Variants in LITAF observed in about 807,000 individuals in gnomAD.
LITAF encodes lipopolysaccharide induced TNF factor, also known as lipopolysaccharide-induced tumor necrosis factor-alpha factor.
In LITAF, 9 loss-of-function variants were observed where a neutral mutation model predicts 14.5. The ratio of observed to expected loss-of-function variants is 0.62; its 90% CI spans 0.37 to 1.08. The LOEUF is 1.08. Ranked by LOEUF, LITAF falls within the 50% of genes least tolerant of loss-of-function variation. The pLI, the probability that LITAF is intolerant of heterozygous loss-of-function variation, is 0.01. For missense variants in LITAF, 206 were observed against 213.4 expected (o/e 0.97, Z 0.22); for synonymous variants, 98 against 88.2 (o/e 1.11, Z -0.62).
At chr16:11,611,601 G>A (rs1342497002) in intron 3 of LITAF, among the ~76,000 whole-genome samples, 1 of 151,776 alleles carries the variant, frequency 6.6e-6, no homozygotes, top group Non-Finnish European at 1.5e-5. Context: ...GCAGCCAATT[G>A]GGAGCAAATT....
rs1420604202 is a variant in LITAF, at chr16:11,634,958, C to T, written c.-21+867G>A. Among the ~76,000 whole-genome samples, 1 of 151,912 alleles carries T rather than the reference C, an allele frequency of 6.6e-6. No homozygotes were observed. The highest frequency in any genetic ancestry group is 1.5e-5 in the Non-Finnish European group (1 of 68,002). On this transcript the variant is annotated intron_variant, in intron 2 of 3. Transcript: ENST00000574848. This position sits in a 1 kb window ranked among gnomAD's most constrained non-coding sequence, Gnocchi z 4.1. ...CTGAGGCAGGAGAATCGATTGAACC[C>T]GGGAAGCGGAGGTTGCAGAGAGCTG...
intron 1 of LITAF, among the ~76,000 whole-genome samples, chr16:11,585,174 AGTGAGCC>A (rs1463103664): frequency 6.6e-6 from 1 of 150,824 alleles, no homozygotes; most frequent in Non-Finnish European, 1.5e-5. Flanking sequence ...TAGAGGTTGC[AGTGAGCC>A]GAGATCGCAC....
intron 1 of LITAF, among the ~76,000 whole-genome samples, chr16:11,570,894 G>C (rs772603601): frequency 6.6e-6 from 1 of 151,966 alleles, no homozygotes; most frequent in African/African-American, 2.4e-5. Context: ...CTCCAGCCTG[G>C]GCAACAGAGC....
chr16:11,635,421 C>T (rs1450335197), intron 2 of LITAF, among the ~76,000 whole-genome samples: 1 of 152,222 alleles, frequency 6.6e-6, no homozygotes. Context: ...TCCCTTATGC[C>T]CTCCACCCTG....
chr16:11,630,601 C>G (rs886386458), intron 3 of LITAF, among the ~76,000 whole-genome samples: 2 of 135,708 alleles, frequency 1.5e-5, no homozygotes, highest in African/African-American at 5.8e-5. Flanking sequence ...GGTGGTGAGA[C>G]AGGGTCTCAT....
At chr16:11,639,337 C>T (rs1336802065), upstream of LITAF, among the ~76,000 whole-genome samples, 6 of 144,258 alleles carry the variant, frequency 4.2e-5, no homozygotes, top group Middle Eastern at 3.9e-3. Context: ...GATGGGTAGA[C>T]GAATGAATGA....
chr16:11,623,637 G>T (rs2065064796), intron 3 of LITAF, among the ~76,000 whole-genome samples: 1 of 151,430 alleles, frequency 6.6e-6, no homozygotes, highest in African/African-American at 2.4e-5. Flanking sequence ...TCTAGCCTGG[G>T]TGACAGAGCG....
At chr16:11,566,415 A>C (rs557223546) in intron 1 of LITAF, among the ~76,000 whole-genome samples, 1 of 152,206 alleles carries the variant, frequency 6.6e-6, no homozygotes, top group Non-Finnish European at 1.5e-5. Flanking sequence ...AGTTTGTAGA[A>C]AGCAATACCT....
rs548329742 is a variant in LITAF at position 11,556,918 on chromosome 16, G to C, written c.-5-183C>G. The stretch of plus-strand genomic sequence containing the variant: ...TCAAGACCCCAGAATTAATCAAAAA[G>C]TAAATAATTACTACCCAAAATCACC... On this transcript the variant is annotated intron_variant, in intron 1 of 3. Coordinates refer to ENST00000622633, the MANE Select transcript of LITAF (RefSeq NM_001136472.2). Among the ~76,000 whole-genome samples, 572 of 152,274 alleles carry C rather than the reference G, an allele frequency of 3.8e-3. 6 individuals are homozygous for C. Among genetic ancestry groups the C allele is most frequent in the African/African-American group, 0.013 (549 of 41,568 alleles).
At chr16:11,566,580 A>G (rs374942418) in intron 1 of LITAF, among the ~76,000 whole-genome samples, 4 of 152,332 alleles carry the variant, frequency 2.6e-5, no homozygotes, top group Admixed American at 6.5e-5. Context: ...CCCGGGCAAC[A>G]TAGTGAGATG....
chr16:11,617,566 A>G (rs1458382833), intron 3 of LITAF, among the ~76,000 whole-genome samples: 1 of 150,816 alleles, frequency 6.6e-6, no homozygotes, highest in Non-Finnish European at 1.5e-5. Flanking sequence ...AGCTGGGACT[A>G]CAGGCTCACA....
rs768543861 is a variant in LITAF at position 11,549,584 on chromosome 16, G to C, written c.*53C>G. On this transcript the variant is annotated 3_prime_UTR_variant, in exon 4 of 4. Transcript: ENST00000622633. This position sits in a 1 kb window ranked among gnomAD's most constrained non-coding sequence, Gnocchi z 4.6. ...CTCCACCAGGCGTGAAGCTGGATGAGAGGTGGAAAGGACTTCCTGCGGCAC... is the reference window on the plus strand; with the variant it reads ...CTCCACCAGGCGTGAAGCTGGATGACAGGTGGAAAGGACTTCCTGCGGCAC... 75 of 1,340,632 alleles carry C rather than the reference G, an allele frequency of 5.6e-5. No individual in the cohort carries two copies. In the East Asian group the frequency reaches 1.4e-3, roughly 25 times the overall value. The allele number at this position is 1,340,632 out of a possible 1,614,324, so 83.0% of individuals were successfully genotyped here.
intron 3 of LITAF, among the ~76,000 whole-genome samples, chr16:11,611,716 G>A (rs1186866428): frequency 6.7e-6 from 1 of 149,802 alleles, no homozygotes; most frequent in Non-Finnish European, 1.5e-5. Context: ...AGGCTGGAGT[G>A]CAGTGGTGCG....
At chr16:11,557,450 T>C (rs764480008) in intron 1 of LITAF, among the ~76,000 whole-genome samples, 45 of 152,162 alleles carry the variant, frequency 3.0e-4, no homozygotes, top group Middle Eastern at 6.8e-3. Flanking sequence ...TATAGTTTTG[T>C]TTTTTGTTTT....
At chr16:11,614,214 A>T (rs765047157) in intron 3 of LITAF, among the ~76,000 whole-genome samples, 1 of 152,054 alleles carries the variant, frequency 6.6e-6, no homozygotes, top group Non-Finnish European at 1.5e-5. Context: ...AGAAGTCTGA[A>T]ATCAAGATGT....
chr16:11,581,536 G>A (rs1416080951), intron 1 of LITAF, among the ~76,000 whole-genome samples: 1 of 152,094 alleles, frequency 6.6e-6, no homozygotes, highest in Non-Finnish European at 1.5e-5. Context: ...GATGGCTTGA[G>A]CTCGAGAGGG....
At chr16:11,615,661 A>G (rs2065015241) in intron 3 of LITAF, among the ~76,000 whole-genome samples, 1 of 152,184 alleles carries the variant, frequency 6.6e-6, no homozygotes, top group Non-Finnish European at 1.5e-5. Flanking sequence ...GAGTGAGACT[A>G]TGTCTTTAAA....
At chr16:11,560,510 G>A (rs755180432) in intron 1 of LITAF, among the ~76,000 whole-genome samples, 1 of 151,240 alleles carries the variant, frequency 6.6e-6, no homozygotes, top group Non-Finnish European at 1.5e-5. Context: ...CTTAACCTGG[G>A]AGGCAGAGGT....
Position 11,633,326 on chromosome 16 carries a change from G to A in LITAF, c.85+207C>T, listed in dbSNP as rs2065126244. ...TCTCTGTGCCTCCCTCACCTCATTTGCAAATAGTAGTGTCAGAGGGGTTTG... is the reference window on the plus strand; with the variant it reads ...TCTCTGTGCCTCCCTCACCTCATTTACAAATAGTAGTGTCAGAGGGGTTTG... On this transcript the variant is annotated intron_variant, in intron 3 of 3. Transcript: ENST00000574848. Among the ~76,000 whole-genome samples the A allele has an allele frequency of 2.0e-5, 3 of 152,142 alleles. 1 individual carries two copies. The South Asian group carries it at 6.2e-4, about 31-fold the overall frequency.
Sources: gnomAD v4.1 joint callset for allele counts (sites outside exome capture counted in the v4.1 genomes callset) on GRCh38, gnomAD v4.1.1 for gene constraint, Gnocchi (gnomAD v3.1) non-coding constraint, MANE v1.5 for transcripts, NCBI Gene and HGNC (gene_info 2026-07-23, HGNC 2026-07-21) for gene names.